Variants in TIAM1 observed in about 807,000 individuals in gnomAD.
The protein encoded by TIAM1 is rho guanine nucleotide exchange factor TIAM1.
Under a neutral mutation model 163.5 loss-of-function variants are expected in TIAM1, and 65 were observed. The observed-to-expected ratio is 0.40, with a 90% CI of 0.33 to 0.49. The LOEUF is 0.49. TIAM1 is among the 20% of genes least tolerant of loss of function. TIAM1 has a pLI of 0.77. For missense variants in TIAM1, 1,789 were observed against 2,044.7 expected, an observed-to-expected ratio of 0.87 and a Z score of 2.41; for synonymous variants, 833 against 810.1, an observed-to-expected ratio of 1.03 and a Z score of -0.48.
At chr21:31,269,590 C>T (rs555866333) in intron 3 of TIAM1, among the ~76,000 whole-genome samples, 1 of 151,772 alleles carries the variant, frequency 6.6e-6, no homozygotes, top group Non-Finnish European at 1.5e-5. Flanking sequence ...TCATTGCATA[C>T]AGGAGACACA....
chr21:31,213,266 A>C (rs2086982774), intron 10 of TIAM1, 132 bp downstream of exon 10: 1 of 712,498 alleles, frequency 1.4e-6, no homozygotes, highest in Non-Finnish European at 2.3e-6. Flanking sequence ...CTTATTACAT[A>C]ACTTTTAAAA....
chr21:31,286,133 G>A (rs1335180915), intron 2 of TIAM1, among the ~76,000 whole-genome samples: 1 of 152,044 alleles, frequency 6.6e-6, no homozygotes, highest in Non-Finnish European at 1.5e-5. Flanking sequence ...CATTGCTAGG[G>A]GGATATTATG....
intron 15 of TIAM1, among the ~76,000 whole-genome samples, chr21:31,169,462 C>A (rs181295886): frequency 6.6e-6 from 1 of 151,966 alleles, no homozygotes; most frequent in Non-Finnish European, 1.5e-5. Flanking sequence ...AACATCTATC[C>A]GAAGACACTG....
intron 1 of TIAM1, among the ~76,000 whole-genome samples, chr21:31,507,272 C>A (rs1030702479): frequency 7.9e-6 from 1 of 126,604 alleles, no homozygotes; most frequent in Admixed American, 9.8e-5. Context: ...GTGCAAGGAT[C>A]TCAGCTCATG....
At chr21:31,367,118 GAAGT>G (rs750830015) in intron 2 of TIAM1, among the ~76,000 whole-genome samples, 143 of 144,122 alleles carry the variant, frequency 9.9e-4, no homozygotes, top group Non-Finnish European at 1.5e-3. Context: ...AAGCAGGCAA[GAAGT>G]AAGGAGAGAA....
Position 31,395,666 on chromosome 21 carries a change from G to C in TIAM1, c.-368-56244C>G, listed in dbSNP as rs2147206749. 6.6e-6 allele frequency among the ~76,000 whole-genome samples: 1 copy of C among 152,314 alleles called. No homozygotes were observed. Among genetic ancestry groups the C allele is most frequent in the South Asian group, 2.1e-4 (1 of 4,824 alleles). ...GGGTAGTAAAAGGTGCTGGACGAGA[G>C]AATAAATATTGACTAAAACATCTAT... On this transcript the variant is annotated intron_variant, in intron 2 of 28. Coordinates refer to the TIAM1 transcript ENST00000286827. The surrounding 1 kb of genome is among the most constrained non-coding windows in gnomAD (Gnocchi z 7.5).
Position 31,251,842 on chromosome 21 carries a change from G to C in TIAM1, c.1311C>G (p.Ala437=), listed in dbSNP as rs137901921. ...LTAAQGTVRK[A]GALAVKNFLV... Reference sequence around the variant, plus strand: ...GGAAGTTCTTGACGGCCAGGGCGCCGGCCTTGCGCACCGTGCCCTGTGCGG... The same window carrying C: ...GGAAGTTCTTGACGGCCAGGGCGCCCGCCTTGCGCACCGTGCCCTGTGCGG... The change falls in exon 5 of 28, where the codon GCC becomes GCG. Residue 437 remains alanine (A), a synonymous_variant. Coordinates refer to ENST00000541036, the MANE Select transcript of TIAM1 (RefSeq NM_001353694.2). 12 of 1,613,762 alleles carry C rather than the reference G, an allele frequency of 7.4e-6. No homozygotes were observed. The African/African-American group carries it at 1.6e-4, about 22-fold the overall frequency.
At chr21:31,402,147 A>C (rs1171482272) in intron 2 of TIAM1, among the ~76,000 whole-genome samples, 1 of 152,062 alleles carries the variant, frequency 6.6e-6, no homozygotes, top group African/African-American at 2.4e-5. Context: ...CAGGAGGCGG[A>C]GATTGCAGTG....
chr21:31,504,046 G>A (rs1343686989), intron 1 of TIAM1, among the ~76,000 whole-genome samples: 1 of 152,050 alleles, frequency 6.6e-6, no homozygotes, highest in Non-Finnish European at 1.5e-5. Context: ...TGTCCCTCCT[G>A]CCAATCCCTG....
Position 31,217,664 on chromosome 21 carries a change from T to A in TIAM1, c.2031A>T (p.Arg677Ser). ...AARTGETGVR[R>S]RTQAMSRSAS... ...CGGATCTGGACATGGCCTGAGTACG[T>A]CTTCTCACTCCAGTTTCACCAGTGC... is the stretch of plus-strand genomic sequence containing the variant. Residue 677 changes from arginine to serine, a missense_variant, in exon 9 of 28, where the codon AGA (arginine) becomes AGT (serine). Physicochemically the swap from Arg to Ser is moderately radical, Grantham distance 110 (BLOSUM62 -1). Around this residue, in one of 5 missense-constraint regions of TIAM1, gnomAD observed 456 missense variants for 586.6 expected, o/e 0.78. Coordinates refer to ENST00000541036, the MANE Select transcript of TIAM1 (RefSeq NM_001353694.2). 1 of 1,613,810 alleles carries A rather than the reference T, an allele frequency of 6.2e-7. No individual in the cohort carries two copies. The highest frequency in any genetic ancestry group is 1.1e-5 in the South Asian group (1 of 90,978).
chr21:31,395,709 T>C lies in TIAM1; in HGVS notation c.-368-56287A>G, dbSNP rs1314440285. Reference sequence around the variant, plus strand: ...ACATCTATCTTGGGGAGGGGGCGCATGCGTTCCCCTGGCTGTCGCGTGAAA... The same window carrying C: ...ACATCTATCTTGGGGAGGGGGCGCACGCGTTCCCCTGGCTGTCGCGTGAAA... On this transcript the variant is annotated intron_variant, in intron 2 of 28. Coordinates refer to the TIAM1 transcript ENST00000286827. The surrounding 1 kb of genome is among the most constrained non-coding windows in gnomAD (Gnocchi z 7.5). 1.3e-5 allele frequency among the ~76,000 whole-genome samples: 2 copies of C among 152,118 alleles called. No individual in the cohort carries two copies. The highest frequency in any genetic ancestry group is 6.6e-5 in the Admixed American group (1 of 15,260).
intron 1 of TIAM1, among the ~76,000 whole-genome samples, chr21:31,505,362 T>A (rs1334506804): frequency 2.0e-5 from 3 of 151,964 alleles, no homozygotes; most frequent in African/African-American, 7.3e-5. Flanking sequence ...TTAAAAGATA[T>A]GAAAGGTCAA....
Position 31,468,716 on chromosome 21 carries a change from C to A in TIAM1, c.-421-4681G>T, listed in dbSNP as rs899556862. On this transcript the variant is annotated intron_variant, in intron 1 of 28. Transcript: ENST00000286827. ...GCGTGAACCCGGGAGGCGGAACTTG[C>A]AGTGAGCCGAGATGGTGCCACTGCA... Among the ~76,000 whole-genome samples, 19 of 152,066 alleles carry A rather than the reference C, an allele frequency of 1.2e-4. 1 individual carries two copies. Among genetic ancestry groups the A allele is most frequent in the Non-Finnish European group, 2.9e-5 (2 of 68,002 alleles).
intron 15 of TIAM1, among the ~76,000 whole-genome samples, chr21:31,167,600 A>T (rs1049928257): frequency 1.3e-5 from 2 of 152,140 alleles, no homozygotes; most frequent in Non-Finnish European, 1.5e-5. Context: ...ATATCCATCA[A>T]TCCCCAAGCC....
chr21:31,240,902 T>C (rs1018143642), intron 6 of TIAM1, among the ~76,000 whole-genome samples: 1 of 152,150 alleles, frequency 6.6e-6, no homozygotes, highest in Non-Finnish European at 1.5e-5. Flanking sequence ...TCATCTTCAA[T>C]TGTAGTGCCC....
intron 2 of TIAM1, among the ~76,000 whole-genome samples, chr21:31,333,659 C>G (rs1355790462): frequency 6.6e-6 from 1 of 152,128 alleles, no homozygotes; most frequent in East Asian, 1.9e-4. Context: ...AGGCTGGTCT[C>G]GAATCTCTAG....
chr21:31,140,800 T>G (rs1232347332), intron 22 of TIAM1, among the ~76,000 whole-genome samples: 3 of 152,188 alleles, frequency 2.0e-5, no homozygotes, highest in Non-Finnish European at 2.9e-5. Flanking sequence ...GCCTTGGACT[T>G]TCATGACATT....
chr21:31,193,974 T>C, intron 13 of TIAM1, among the ~76,000 whole-genome samples: 1 of 152,184 alleles, frequency 6.6e-6, no homozygotes, highest in Non-Finnish European at 1.5e-5. Context: ...GCGTGCTGTG[T>C]AGACCTCACA....
At chr21:31,510,120 C>T (rs1203819746) in intron 1 of TIAM1, among the ~76,000 whole-genome samples, 1 of 152,158 alleles carries the variant, frequency 6.6e-6, no homozygotes, top group East Asian at 1.9e-4. Flanking sequence ...GTTTGCTAGG[C>T]TTGCCATAAC....
Sources: gnomAD v4.1 joint callset for allele counts (sites outside exome capture counted in the v4.1 genomes callset) on GRCh38, gnomAD v4.1.1 for gene constraint, gnomAD v4.1.1 regional missense constraint, Gnocchi (gnomAD v3.1) non-coding constraint, MANE v1.5 for transcripts, NCBI Gene and HGNC (gene_info 2026-07-23, HGNC 2026-07-21) for gene names.